PKHD1: variants seen among roughly 807,000 people sequenced by gnomAD.
PKHD1 encodes fibrocystin.
In PKHD1, 291 loss-of-function variants were observed where a neutral mutation model predicts 412.0. That is an observed-to-expected ratio of 0.71 (90% CI 0.64 to 0.78). PKHD1 has a LOEUF of 0.78. PKHD1 is among the 30% of genes least tolerant of loss of function. The pLI, the probability that PKHD1 is intolerant of heterozygous loss-of-function variation, is 0.00. For missense variants in PKHD1, 4,825 were observed against 4,950.7 expected (o/e 0.97, Z 0.76); for synonymous variants, 1,777 against 1,821.5 (o/e 0.98, Z 0.62).
At chr6:52,012,889 C>G (rs1799982356) in intron 34 of PKHD1, among the ~76,000 whole-genome samples, 1 of 152,206 alleles carries the variant, frequency 6.6e-6, no homozygotes, top group Admixed American at 6.5e-5. Flanking sequence ...TTTCTGAAGG[C>G]TCACAAACTA....
intron 60 of PKHD1, among the ~76,000 whole-genome samples, chr6:51,666,542 AT>A (rs201203411): frequency 1.6e-3 from 250 of 152,140 alleles, no homozygotes; most frequent in African/African-American, 5.5e-3. Context: ...AATGTTTATA[AT>A]TTTTTTTTAA....
chr6:52,082,408 C>T lies in PKHD1; in HGVS notation c.265G>A (p.Val89Met). Residue 89 changes from valine (V) to methionine (M), a missense_variant, in exon 4 of 67, where the codon GTG (valine) becomes ATG (methionine). By Grantham distance (21) the Val-to-Met change is conservative. Transcript: ENST00000371117. ...CAGGTATACCTGGTCCGGCATGTCA[C>T]CACAGGCAAATCCAAGAAAACAGGA... ...VFPVFLDLPV[V>M]TCRTRSVLSE... is the part of the protein sequence containing the mutation. 1.2e-6 allele frequency: 2 copies of T among 1,614,098 alleles called. No homozygotes were observed. The highest frequency in any genetic ancestry group is 1.7e-6 in the Non-Finnish European group (2 of 1,179,972).
chr6:51,648,058 C>T lies in PKHD1; in HGVS notation c.11371G>A (p.Glu3791Lys), dbSNP rs1375736738. 2 of 1,607,118 alleles carry T rather than the reference C, an allele frequency of 1.2e-6. No individual in the cohort carries two copies. The highest frequency in any genetic ancestry group is 3.3e-5 in the Admixed American group (2 of 59,988). Residue 3791 changes from glutamate (E) to lysine (K), a missense_variant, in exon 63 of 67, where the codon GAA becomes AAA. Glu to Lys is a moderately conservative substitution (Grantham distance 56). Coordinates refer to ENST00000371117, the MANE Select transcript of PKHD1 (RefSeq NM_138694.4). ...SEPWTISASL[E>K]GASDSVLKGC... is the part of the protein sequence containing the mutation. Reference sequence around the variant, plus strand: ...TTTAGCACTGAGTCTGATGCTCCTTCCAGGGAAGCTGAAATTGTCCATGGC... The same window carrying T: ...TTTAGCACTGAGTCTGATGCTCCTTTCAGGGAAGCTGAAATTGTCCATGGC...
At chr6:51,656,447 A>C (rs977558617) in intron 61 of PKHD1, among the ~76,000 whole-genome samples, 1 of 152,114 alleles carries the variant, frequency 6.6e-6, no homozygotes, top group Non-Finnish European at 1.5e-5. Flanking sequence ...ACCATGCCAC[A>C]TGCAAGAAGA....
chr6:51,649,045 C>T (rs1021048303), intron 62 of PKHD1, 40 bp downstream of exon 62: 3 of 1,593,312 alleles, frequency 1.9e-6, no homozygotes, highest in Non-Finnish European at 2.6e-6. Context: ...CTACATGCTA[C>T]TTAGCTCTAA....
chr6:52,027,797 TA>T, intron 31 of PKHD1, 31 bp downstream of exon 31: 1 of 1,482,402 alleles, frequency 6.7e-7, no homozygotes, highest in Non-Finnish European at 9.4e-7. Context: ...AATTGCTGGA[TA>T]ATTGATAACA....
At chr6:52,020,893 A>G (rs1157291555) in intron 33 of PKHD1, among the ~76,000 whole-genome samples, 1 of 133,930 alleles carries the variant, frequency 7.5e-6, no homozygotes, top group Non-Finnish European at 1.6e-5. Flanking sequence ...TTTGATGTCC[A>G]TTATAGACCT....
At chr6:52,075,283 G>A (rs1276010946) in intron 6 of PKHD1, among the ~76,000 whole-genome samples, 6 of 152,096 alleles carry the variant, frequency 3.9e-5, no homozygotes, top group African/African-American at 2.4e-5. Context: ...AATATAAAAC[G>A]CTTTTCAATA....
At chr6:51,825,798 T>C (rs1767204340) in intron 52 of PKHD1, among the ~76,000 whole-genome samples, 1 of 152,066 alleles carries the variant, frequency 6.6e-6, no homozygotes, top group Admixed American at 6.6e-5. Context: ...ATGCCACACA[T>C]TACAAAAAGG....
intron 6 of PKHD1, among the ~76,000 whole-genome samples, chr6:52,075,097 T>C (rs1408179365): frequency 2.0e-5 from 3 of 152,182 alleles, no homozygotes; most frequent in East Asian, 1.9e-4. Context: ...CTGCATGTGA[T>C]TTTCACAGAC....
At chr6:51,962,256 A>G (rs1030928440) in intron 35 of PKHD1, among the ~76,000 whole-genome samples, 1 of 152,128 alleles carries the variant, frequency 6.6e-6, no homozygotes, top group Non-Finnish European at 1.5e-5. Flanking sequence ...ACTATGAAGA[A>G]AACCAGGGCT....
Position 52,065,705 on chromosome 6 carries a change from A to G in PKHD1, c.880+271T>C, listed in dbSNP as rs1354297057. Among the ~76,000 whole-genome samples, 5 of 152,154 alleles carry G rather than the reference A, an allele frequency of 3.3e-5. 1 individual carries two copies. The highest frequency in any genetic ancestry group is 1.2e-4 in the African/African-American group (5 of 41,450). ...TAAACCTTTGTCAAGAAGGAGCTGTATTTCTTTCTTTCTCTTCACTCACAA... is the reference window on the plus strand; with the variant it reads ...TAAACCTTTGTCAAGAAGGAGCTGTGTTTCTTTCTTTCTCTTCACTCACAA... On this transcript the variant is annotated intron_variant, in intron 12 of 66. Coordinates refer to ENST00000371117, the MANE Select transcript of PKHD1 (RefSeq NM_138694.4).
intron 52 of PKHD1, among the ~76,000 whole-genome samples, chr6:51,830,087 T>A (rs145326932): frequency 1.7e-4 from 26 of 152,328 alleles, no homozygotes; most frequent in Non-Finnish European, 3.4e-4. Context: ...ACTTCACAGA[T>A]GGTTAAATGT....
At chr6:51,628,899 A>G (rs1767603250) in intron 65 of PKHD1, among the ~76,000 whole-genome samples, 1 of 152,166 alleles carries the variant, frequency 6.6e-6, no homozygotes, top group African/African-American at 2.4e-5. Context: ...AGAGAACTCA[A>G]TAATGAAGCT....
intron 35 of PKHD1, among the ~76,000 whole-genome samples, chr6:51,996,162 C>T (rs547645630): frequency 6.9e-5 from 10 of 144,430 alleles, no homozygotes; most frequent in South Asian, 4.7e-4. Flanking sequence ...CCTGCCACGA[C>T]GCCTGGCTTT....
intron 60 of PKHD1, among the ~76,000 whole-genome samples, chr6:51,716,097 T>C (rs1252418890): frequency 6.6e-6 from 1 of 152,234 alleles, no homozygotes; most frequent in Admixed American, 6.5e-5. Flanking sequence ...AAACAGATTA[T>C]TTCTGCAGTT....
chr6:51,859,019 C>T (rs1374658209), intron 48 of PKHD1, among the ~76,000 whole-genome samples: 2 of 152,164 alleles, frequency 1.3e-5, no homozygotes, highest in East Asian at 3.9e-4. Flanking sequence ...AAGCAATGTG[C>T]ACTAATAATG....
At chr6:51,658,021 A>G (rs1772175413) in intron 61 of PKHD1, among the ~76,000 whole-genome samples, 1 of 152,138 alleles carries the variant, frequency 6.6e-6, no homozygotes, top group Admixed American at 6.6e-5. Flanking sequence ...AAATTGGGCA[A>G]AAGGAAAGAT....
chr6:51,624,079 A>G (rs562255439), intron 66 of PKHD1, among the ~76,000 whole-genome samples: 1 of 152,044 alleles, frequency 6.6e-6, no homozygotes, highest in Non-Finnish European at 1.5e-5. Context: ...TTAAGAGACT[A>G]GGGTTTTATT....
Sources: gnomAD v4.1 joint callset for allele counts (sites outside exome capture counted in the v4.1 genomes callset) on GRCh38, gnomAD v4.1.1 for gene constraint, MANE v1.5 for transcripts, NCBI Gene and HGNC (gene_info 2026-07-23, HGNC 2026-07-21) for gene names.